ANKS1B: variants seen among roughly 807,000 people sequenced by gnomAD.
ANKS1B encodes the protein ankyrin repeat and sterile alpha motif domain-containing protein 1B.
Under a neutral mutation model 148.3 loss-of-function variants are expected in ANKS1B, and 36 were observed. That is an observed-to-expected ratio of 0.24 (90% CI 0.19 to 0.32). The LOEUF is 0.32. Ranked by LOEUF, ANKS1B falls within the 10% of genes least tolerant of loss-of-function variation. ANKS1B has a pLI of 1.00. For synonymous variants in ANKS1B, 542 were observed against 560.8 expected (o/e 0.97, Z 0.47); for missense variants, 1,157 against 1,542.6 (o/e 0.75, Z 4.19).
chr12:99,153,166 G>A (rs1427843524), intron 15 of ANKS1B, among the ~76,000 whole-genome samples: 1 of 152,088 alleles, frequency 6.6e-6, no homozygotes, highest in African/African-American at 2.4e-5. Context: ...AGGAGCAGAA[G>A]TTGAATAATG....
intron 11 of ANKS1B, 76 bp from the exon 12 acceptor site, chr12:99,399,887 C>T (rs771072908): frequency 6.6e-5 from 96 of 1,455,228 alleles, no homozygotes; most frequent in Non-Finnish European, 9.0e-5. Context: ...TCAATTTAAT[C>T]TAAGTGATAA....
intron 8 of ANKS1B, among the ~76,000 whole-genome samples, chr12:99,760,828 C>T (rs2062022412): frequency 6.6e-6 from 1 of 150,638 alleles, no homozygotes; most frequent in Non-Finnish European, 1.5e-5. Flanking sequence ...AGACAATATC[C>T]AAATAAGCAC....
At chr12:99,327,929 A>T (rs2086794032) in intron 12 of ANKS1B, among the ~76,000 whole-genome samples, 1 of 151,838 alleles carries the variant, frequency 6.6e-6, no homozygotes, top group Non-Finnish European at 1.5e-5. Flanking sequence ...GATTATTTAT[A>T]TGATCCTATT....
At chr12:99,603,460 C>T (rs1029701055) in intron 9 of ANKS1B, among the ~76,000 whole-genome samples, 1 of 151,994 alleles carries the variant, frequency 6.6e-6, no homozygotes, top group Non-Finnish European at 1.5e-5. Flanking sequence ...TATTGCAAAG[C>T]GGGCTTTATT....
chr12:98,876,637 C>T lies in ANKS1B; in HGVS notation c.2779-44501G>A, dbSNP rs1285588187. On this transcript the variant is annotated intron_variant, in intron 17 of 26. Coordinates refer to ENST00000683438, the MANE Select transcript of ANKS1B (RefSeq NM_001352186.2). ...CATGAAAGACAATACTTATCCAAAG[C>T]CTGAATGGCTAAAGTGGTTATCTTT... Among the ~76,000 whole-genome samples, 3 of 152,248 alleles carry T rather than the reference C, an allele frequency of 2.0e-5. No homozygotes were observed. In the South Asian group the frequency reaches 6.2e-4, roughly 32 times the overall value.
At chr12:99,016,593 T>C (rs184062326) in intron 17 of ANKS1B, among the ~76,000 whole-genome samples, 1 of 151,670 alleles carries the variant, frequency 6.6e-6, no homozygotes, top group Non-Finnish European at 1.5e-5. Context: ...GAGGTGGAGG[T>C]TGCAGTGAGC....
At chr12:99,870,186 C>T (rs1390286074) in intron 1 of ANKS1B, among the ~76,000 whole-genome samples, 1 of 152,272 alleles carries the variant, frequency 6.6e-6, no homozygotes, top group African/African-American at 2.4e-5. Flanking sequence ...AAGTGAGAAC[C>T]TGTGGTATTT....
At chr12:99,775,698 T>A in intron 6 of ANKS1B, 37 bp from the exon 7 acceptor site, 1 of 1,185,732 alleles carries the variant, frequency 8.4e-7, no homozygotes, top group African/African-American at 1.5e-5. Flanking sequence ...ATACTTGAAT[T>A]CATTTATTTT....
At chr12:99,734,671 C>T (rs778669100) in intron 8 of ANKS1B, among the ~76,000 whole-genome samples, 1 of 152,190 alleles carries the variant, frequency 6.6e-6, no homozygotes, top group South Asian at 2.1e-4. Context: ...TTTCTCCCTG[C>T]TTTCACTGTT....
intron 12 of ANKS1B, among the ~76,000 whole-genome samples, chr12:99,365,933 C>A (rs1364553503): frequency 2.6e-5 from 4 of 152,118 alleles, no homozygotes; most frequent in African/African-American, 9.7e-5. Context: ...TAATAAAAAT[C>A]AACAAATGAA....
intron 14 of ANKS1B, among the ~76,000 whole-genome samples, chr12:99,204,681 C>T (rs993908324): frequency 1.2e-4 from 19 of 152,078 alleles, no homozygotes; most frequent in Admixed American, 1.2e-3. Context: ...TTGACGATTC[C>T]CCCCTAAAAC....
intron 9 of ANKS1B, among the ~76,000 whole-genome samples, chr12:99,506,665 A>T (rs1205460438): frequency 2.0e-5 from 3 of 152,072 alleles, no homozygotes; most frequent in Non-Finnish European, 4.4e-5. Flanking sequence ...TTGATGTGGT[A>T]GATTTATTCT....
chr12:99,414,528 G>T (rs2094829288), intron 11 of ANKS1B, among the ~76,000 whole-genome samples: 2 of 132,132 alleles, frequency 1.5e-5, no homozygotes, highest in African/African-American at 2.9e-5. Context: ...CATGTCCTTT[G>T]CAGGGACATG....
chr12:99,705,811 TCAG>T (rs1219295581), intron 8 of ANKS1B, among the ~76,000 whole-genome samples: 1 of 152,180 alleles, frequency 6.6e-6, no homozygotes, highest in East Asian at 1.9e-4. Context: ...ATGGAAAGGC[TCAG>T]GTGAGATTCT....
At position 99,053,181 on chromosome 12, in the gene ANKS1B, T is replaced by A. The variant is rs1383858817; in HGVS notation, c.2754A>T (p.Lys918Asn). 3.7e-6 allele frequency: 6 copies of A among 1,609,052 alleles called. No individual in the cohort carries two copies. Among genetic ancestry groups the A allele is most frequent in the Non-Finnish European group, 5.1e-6 (6 of 1,177,654 alleles). ...CATTAATAAGTTCAACCTCCCAGAT[T>A]TTTTTCAACAGGTCCATCGAAGTGT... ...NGYTSMDLLKKIWEVELINVL... is the reference protein window; with the variant it reads ...NGYTSMDLLKNIWEVELINVL... The change falls in exon 17 of 27, where the codon AAA becomes AAT. Residue 918 changes from lysine to asparagine, a missense_variant. Physicochemically the swap from Lys to Asn is moderately conservative, Grantham distance 94. This residue lies in a region of ANKS1B where 258 missense variants were observed against 497.0 expected (regional missense o/e 0.52). Coordinates refer to ENST00000683438, the MANE Select transcript of ANKS1B (RefSeq NM_001352186.2).
chr12:99,093,845 A>G (rs1217347768), intron 15 of ANKS1B, among the ~76,000 whole-genome samples: 1 of 152,202 alleles, frequency 6.6e-6, no homozygotes, highest in African/African-American at 2.4e-5. Flanking sequence ...GGAAAGGAGC[A>G]AAGAGGAAGA....
intron 16 of ANKS1B, among the ~76,000 whole-genome samples, chr12:99,072,245 C>A (rs1411483647): frequency 6.6e-6 from 1 of 152,010 alleles, no homozygotes; most frequent in East Asian, 1.9e-4. Context: ...CAGGCAAAAG[C>A]AACATCAAAA....
intron 2 of ANKS1B, among the ~76,000 whole-genome samples, chr12:99,814,251 T>C (rs994168336): frequency 4.6e-5 from 7 of 151,696 alleles, no homozygotes; most frequent in Non-Finnish European, 1.0e-4. Flanking sequence ...CACATGACTG[T>C]ACTTAGTCTC....
At chr12:99,631,413 G>C (rs1192409269) in intron 9 of ANKS1B, among the ~76,000 whole-genome samples, 1 of 152,100 alleles carries the variant, frequency 6.6e-6, no homozygotes, top group Non-Finnish European at 1.5e-5. Flanking sequence ...GAATTTGGAG[G>C]AGCAGGCTAG....
Sources: allele counts gnomAD v4.1 joint callset (sites outside exome capture counted in the v4.1 genomes callset), GRCh38; gene constraint gnomAD v4.1.1; regional missense constraint gnomAD v4.1.1; transcripts MANE v1.5; gene names NCBI Gene and HGNC (gene_info 2026-07-23, HGNC 2026-07-21).